STARD3: variants seen among roughly 807,000 people sequenced by gnomAD.
STARD3 encodes stAR-related lipid transfer protein 3.
Under a neutral mutation model 62.0 loss-of-function variants are expected in STARD3, and 39 were observed. The observed-to-expected ratio is 0.63, with a 90% CI of 0.49 to 0.82. STARD3 has a LOEUF of 0.82. Ranked by LOEUF, STARD3 falls within the 40% of genes least tolerant of loss-of-function variation. The probability of loss-of-function intolerance (pLI) is 0.00; values close to 1 mark genes in which losing one functional copy is unlikely to be tolerated. For missense variants in STARD3, 543 were observed against 584.5 expected (o/e 0.93, Z 0.73); for synonymous variants, 229 against 242.4 (o/e 0.94, Z 0.51).
intron 13 of STARD3, 61 bp from the exon 14 acceptor site, chr17:39,662,190 C>A: frequency 6.8e-7 from 1 of 1,471,178 alleles, no homozygotes; most frequent in Non-Finnish European, 9.4e-7. Flanking sequence ...GTAGGGGCTG[C>A]GGGGGGGTGT....
intron 1 of STARD3, among the ~76,000 whole-genome samples, chr17:39,639,412 G>C (rs1201195148): frequency 6.6e-6 from 1 of 152,198 alleles, no homozygotes; most frequent in Admixed American, 6.5e-5. Context: ...ATAGATCTGG[G>C]AACTAGAGGG....
chr17:39,656,568 G>A (rs2057132103), intron 2 of STARD3, among the ~76,000 whole-genome samples: 1 of 152,262 alleles, frequency 6.6e-6, no homozygotes, highest in Non-Finnish European at 1.5e-5. Context: ...GGCTCCGTCT[G>A]ACACCACTGC....
Position 39,653,568 on chromosome 17 carries a change from G to C in STARD3, c.37G>C (p.Glu13Gln). ...GCCCAGGGAGCTGACCCGAGACTTG[G>C]AGCGCAGCCTGCCTGCCGTGGCCTC... ...KLPRELTRDLERSLPAVASLG... is the reference protein window; with the variant it reads ...KLPRELTRDLQRSLPAVASLG... The change falls in exon 2 of 15, where the codon GAG becomes CAG. Residue 13 changes from glutamate (E) to glutamine (Q), a missense_variant. Transcript: ENST00000336308. 1 of 1,607,994 alleles carries C rather than the reference G, an allele frequency of 6.2e-7. No individual in the cohort carries two copies.
rs368331751 is a variant in STARD3 at position 39,657,790 on chromosome 17, C to T, written c.313C>T (p.Arg105Cys). 7.4e-6 allele frequency: 12 copies of T among 1,614,038 alleles called. No homozygotes were observed. Among genetic ancestry groups the T allele is most frequent in the African/African-American group, 2.7e-5 (2 of 74,908 alleles). ...FFDIFVLAFF[R>C]FSGLLLGYAV... ...CCCCCACCAGGTCCTGGCCTTCTTC[C>T]GCTTCTCTGGACTGCTCCTAGGCTA... Residue 105 changes from arginine (R) to cysteine (C), a missense_variant, in exon 4 of 15, where the codon CGC becomes TGC. Physicochemically the swap from Arg to Cys is radical, Grantham distance 180. Coordinates refer to ENST00000336308, the MANE Select transcript of STARD3 (RefSeq NM_006804.4).
At chr17:39,662,692 TC>T in intron 14 of STARD3, 111 bp from the exon 15 acceptor site, 1 of 1,056,338 alleles carries the variant, frequency 9.5e-7, no homozygotes, top group Non-Finnish European at 1.4e-6. Flanking sequence ...CAGGCTGGAT[TC>T]CAGAGCTGCA....
In STARD3 at chr17:39,645,255, C is replaced by G. The variant is rs563069667; in HGVS notation, c.-52+8024C>G. ...CTCTACTTCCTGCCCCTCCCCCAACCTGGAATTCACCTCTGCCTGCAGCTG... is the reference window on the plus strand; with the variant it reads ...CTCTACTTCCTGCCCCTCCCCCAACGTGGAATTCACCTCTGCCTGCAGCTG... On this transcript the variant is annotated intron_variant, in intron 1 of 14. Coordinates refer to ENST00000336308, the MANE Select transcript of STARD3 (RefSeq NM_006804.4). Among the ~76,000 whole-genome samples the G allele has an allele frequency of 7.0e-4, 106 of 152,294 alleles. 1 individual carries two copies. The highest frequency in any genetic ancestry group is 2.4e-3 in the African/African-American group (101 of 41,570).
At chr17:39,658,882 C>G (rs1295211713) in intron 7 of STARD3, 62 bp downstream of exon 7, 13 of 1,591,354 alleles carry the variant, frequency 8.2e-6, no homozygotes, top group Non-Finnish European at 8.6e-6. Context: ...ATGGGGTAGG[C>G]TGGGTCTGTT....
At chr17:39,659,255 C>G in intron 8 of STARD3, 149 bp downstream of exon 8, 3 of 1,139,394 alleles carry the variant, frequency 2.6e-6, no homozygotes, top group Non-Finnish European at 3.8e-6. Flanking sequence ...ACCACCAGTC[C>G]GGCCCCCCTG....
chr17:39,645,148 C>T (rs762386703), intron 1 of STARD3, among the ~76,000 whole-genome samples: 48 of 152,178 alleles, frequency 3.2e-4, no homozygotes, highest in Non-Finnish European at 8.8e-5. Context: ...CTTGCAATTG[C>T]AGAGGGGCCG....
chr17:39,651,299 T>C (rs992553920), intron 1 of STARD3, among the ~76,000 whole-genome samples: 5 of 152,194 alleles, frequency 3.3e-5, no homozygotes, highest in African/African-American at 1.2e-4. Context: ...CAAACTGAGC[T>C]GCGCTTGTTT....
At chr17:39,638,637 C>G (rs1004895244) in intron 1 of STARD3, among the ~76,000 whole-genome samples, 1 of 152,208 alleles carries the variant, frequency 6.6e-6, no homozygotes, top group Non-Finnish European at 1.5e-5. Flanking sequence ...AGCACCCTGT[C>G]CATAATAGCA....
rs1160949189 is a variant in STARD3, at chr17:39,660,737, G to A, written c.955-73G>A. The stretch of plus-strand genomic sequence containing the variant: ...CTGTGGCAATAGCAGTTAGTAAAGG[G>A]GCCTGGGGTGTTCCCATCCCTGGGG... On this transcript the variant is annotated intron_variant, in intron 11 of 14. Coordinates refer to ENST00000336308, the MANE Select transcript of STARD3 (RefSeq NM_006804.4). The surrounding 1 kb of genome is among the most constrained non-coding windows in gnomAD (Gnocchi z 4.8). 1.3e-6 allele frequency: 2 copies of A among 1,513,220 alleles called. No homozygotes were observed. The highest frequency in any genetic ancestry group is 1.4e-5 in the African/African-American group (1 of 72,166). 93.7% of individuals were successfully genotyped at this position (1,513,220 alleles called of 1,614,324 possible).
At chr17:39,654,638 C>G (rs1005175288) in intron 2 of STARD3, among the ~76,000 whole-genome samples, 2 of 152,148 alleles carry the variant, frequency 1.3e-5, no homozygotes, top group Non-Finnish European at 2.9e-5. Context: ...GCAGGGCACC[C>G]CAGGCTCAGT....
At chr17:39,650,960 C>T (rs1371055997) in intron 1 of STARD3, among the ~76,000 whole-genome samples, 1 of 152,240 alleles carries the variant, frequency 6.6e-6, no homozygotes, top group East Asian at 1.9e-4. Flanking sequence ...GTCACCTGCC[C>T]TGGAGCTGCG....
Position 39,660,870 on chromosome 17 carries a change from G to C in STARD3, c.1015G>C (p.Gly339Arg), listed in dbSNP as rs770881714. 3 of 1,600,870 alleles carry C rather than the reference G, an allele frequency of 1.9e-6. No individual in the cohort carries two copies. The highest frequency in any genetic ancestry group is 2.6e-6 in the Non-Finnish European group (3 of 1,171,526). ...CTATGACGTGTCTGCAGGGGCTGCG[G>C]GCGGCGTGGTCTCCCCAAGGTGAGT... is the stretch of plus-strand genomic sequence containing the variant. ...ISYDVSAGAA[G>R]GVVSPRDFVN... is the part of the protein sequence containing the mutation. Residue 339 changes from glycine to arginine, a missense_variant, in exon 12 of 15, where the codon GGC (glycine) becomes CGC (arginine). By Grantham distance (125) the Gly-to-Arg change is moderately radical. Transcript: ENST00000336308. The surrounding 1 kb of genome is among the most constrained non-coding windows in gnomAD (Gnocchi z 4.8).
Position 39,659,524 on chromosome 17 carries a change from G to T in STARD3, c.766G>T (p.Glu256Ter), listed in dbSNP as rs372857612. 1 of 1,614,042 alleles carries T rather than the reference G, an allele frequency of 6.2e-7. No individual in the cohort carries two copies. The highest frequency in any genetic ancestry group is 8.5e-7 in the Non-Finnish European group (1 of 1,180,032). Residue 256 changes from glutamate to a stop codon, truncating the protein, a stop_gained, in exon 9 of 15, where the codon GAA becomes TAA. Coordinates refer to ENST00000336308, the MANE Select transcript of STARD3 (RefSeq NM_006804.4). LOFTEE classifies it high-confidence loss of function. ...TAVVDQILAQ[E>*]ENWKFEKNNE... ...AGTGGTGGACCAGATCTTGGCCCAG[G>T]AAGAGAACTGGAAGTTTGAGAAGAA...
intron 13 of STARD3, among the ~76,000 whole-genome samples, chr17:39,661,875 G>A (rs2057202597): frequency 6.6e-6 from 1 of 152,220 alleles, no homozygotes; most frequent in African/African-American, 2.4e-5. Context: ...CTCCTGAGCA[G>A]GTGTCCCCTC....
chr17:39,644,162 G>C (rs2144911114), intron 1 of STARD3, among the ~76,000 whole-genome samples: 1 of 152,152 alleles, frequency 6.6e-6, no homozygotes, highest in East Asian at 1.9e-4. Context: ...CTAGCCTCTG[G>C]GGGATTTGGA....
In STARD3 at chr17:39,660,639, G is replaced by A. The variant is rs1597800626; in HGVS notation, c.954+113G>A. On this transcript the variant is annotated intron_variant, in intron 11 of 14. Transcript: ENST00000336308. The surrounding 1 kb of genome is among the most constrained non-coding windows in gnomAD (Gnocchi z 4.8). ...GCCCCATCTGTACAGTGGGTGTGAT[G>A]GTAACAGTGCCTGCTCGGGAGGGTC... 5.0e-6 allele frequency: 7 copies of A among 1,388,734 alleles called. No individual in the cohort carries two copies. In the East Asian group the frequency reaches 1.6e-4, roughly 32 times the overall value. The allele number at this position is 1,388,734 out of a possible 1,614,324, so 86.0% of individuals were successfully genotyped here. A position where few individuals can be genotyped will look rare whatever the true frequency, so the allele number is the denominator to read the frequency against.
Sources: allele counts gnomAD v4.1 joint callset (sites outside exome capture counted in the v4.1 genomes callset), GRCh38; gene constraint gnomAD v4.1.1; non-coding constraint Gnocchi (gnomAD v3.1); transcripts MANE v1.5; gene names NCBI Gene and HGNC (gene_info 2026-07-23, HGNC 2026-07-21).